Variants in NAALADL2 observed in about 807,000 individuals in gnomAD.
The protein encoded by NAALADL2 is N-acetylated alpha-linked acidic dipeptidase like 2.
Under a neutral mutation model 87.2 loss-of-function variants are expected in NAALADL2, and 76 were observed. That is an observed-to-expected ratio of 0.87 (90% CI 0.72 to 1.05). The LOEUF (loss-of-function observed/expected upper bound fraction) is 1.05. Among genes scored for constraint, NAALADL2 ranks in the 50% least tolerant of loss-of-function variants. The pLI, the probability that NAALADL2 is intolerant of heterozygous loss-of-function variation, is 0.00. For missense variants in NAALADL2, 1,089 were observed against 945.8 expected (o/e 1.15, Z -1.99); for synonymous variants, 354 against 331.0 (o/e 1.07, Z -0.75).
At chr3:174,651,176 C>T (rs1348302601) in intron 2 of NAALADL2, among the ~76,000 whole-genome samples, 1 of 152,134 alleles carries the variant, frequency 6.6e-6, no homozygotes, top group Admixed American at 6.5e-5. Flanking sequence ...GATATGTTCA[C>T]ATGTAATCAT....
intron 9 of NAALADL2, among the ~76,000 whole-genome samples, chr3:175,499,482 A>C (rs928139172): frequency 2.0e-5 from 3 of 149,036 alleles, no homozygotes; most frequent in African/African-American, 7.8e-5. Context: ...GTTAAACCTA[A>C]GGAATTTTTT....
intron 2 of NAALADL2, among the ~76,000 whole-genome samples, chr3:174,704,937 A>C (rs977224864): frequency 6.6e-6 from 1 of 152,224 alleles, no homozygotes; most frequent in South Asian, 2.1e-4. Context: ...AACATCACCA[A>C]ACTTCTAAAT....
chr3:175,250,349 C>T (rs1748837265), intron 3 of NAALADL2, among the ~76,000 whole-genome samples: 1 of 151,200 alleles, frequency 6.6e-6, no homozygotes, highest in Non-Finnish European at 1.5e-5. Flanking sequence ...AGTAGGAGAG[C>T]CATTGCCAGA....
At chr3:174,720,541 C>T (rs989707128) in intron 2 of NAALADL2, among the ~76,000 whole-genome samples, 1 of 151,878 alleles carries the variant, frequency 6.6e-6, no homozygotes, top group African/African-American at 2.4e-5. Flanking sequence ...TTATATAATG[C>T]TGTGTATTGT....
intron 10 of NAALADL2, among the ~76,000 whole-genome samples, chr3:175,582,874 C>G (rs1719980370): frequency 6.6e-6 from 1 of 152,166 alleles, no homozygotes. Context: ...GGCCAATGAT[C>G]AAAGATTTCT....
At chr3:175,534,526 T>C (rs1473317933) in intron 9 of NAALADL2, among the ~76,000 whole-genome samples, 1 of 152,138 alleles carries the variant, frequency 6.6e-6, no homozygotes, top group African/African-American at 2.4e-5. Context: ...GCTGGTGACG[T>C]AAAATAAAAA....
intron 1 of NAALADL2, among the ~76,000 whole-genome samples, chr3:174,921,810 A>G (rs186003707): frequency 0.011 from 1,409 of 124,326 alleles, 8 homozygotes; most frequent in Non-Finnish European, 0.016. Context: ...GTCTCAAAAA[A>G]AAAAAAAAAA....
intron 5 of NAALADL2, among the ~76,000 whole-genome samples, chr3:175,383,048 A>G (rs1224013132): frequency 2.0e-5 from 3 of 152,014 alleles, no homozygotes; most frequent in Non-Finnish European, 4.4e-5. Flanking sequence ...TTAAGTTTTT[A>G]ATTATGGATA....
At chr3:175,005,844 C>A (rs992643919) in intron 1 of NAALADL2, among the ~76,000 whole-genome samples, 2 of 152,082 alleles carry the variant, frequency 1.3e-5, no homozygotes, top group African/African-American at 2.4e-5. Flanking sequence ...TTAAAGCAGA[C>A]TTTGGGCTTA....
intron 9 of NAALADL2, among the ~76,000 whole-genome samples, chr3:175,505,799 G>C (rs79135436): frequency 8.5e-5 from 13 of 152,232 alleles, no homozygotes; most frequent in Non-Finnish European, 1.8e-4. Context: ...TTGAGGTATA[G>C]AGTAAGAACT....
intron 11 of NAALADL2, among the ~76,000 whole-genome samples, chr3:175,704,258 G>A (rs1362011042): frequency 2.0e-5 from 3 of 152,066 alleles, no homozygotes; most frequent in South Asian, 2.1e-4. Context: ...GGGGCTGTTC[G>A]CTGTGGAAAA....
intron 9 of NAALADL2, among the ~76,000 whole-genome samples, chr3:175,525,031 A>T (rs1348878223): frequency 6.6e-6 from 1 of 152,148 alleles, no homozygotes; most frequent in African/African-American, 2.4e-5. Context: ...GGGTGCATGT[A>T]ACTGAACAAT....
chr3:175,655,565 CAA>C, intron 11 of NAALADL2: 2 of 247,422 alleles, frequency 8.1e-6, no homozygotes, highest in Non-Finnish European at 1.7e-5. Flanking sequence ...GAAAATCCTA[CAA>C]AGTCACTGTT....
chr3:175,131,223 G>C (rs2108629923), intron 2 of NAALADL2, among the ~76,000 whole-genome samples: 1 of 150,792 alleles, frequency 6.6e-6, no homozygotes, highest in South Asian at 2.1e-4. Flanking sequence ...AGGGTCATAG[G>C]ACAATAGTGG....
At chr3:175,276,413 C>T (rs1753604288) in intron 4 of NAALADL2, among the ~76,000 whole-genome samples, 1 of 151,304 alleles carries the variant, frequency 6.6e-6, no homozygotes, top group African/African-American at 2.4e-5. Flanking sequence ...GATTCTCTTG[C>T]CTGCCTCAGC....
intron 1 of NAALADL2, among the ~76,000 whole-genome samples, chr3:175,095,164 G>C (rs750490538): frequency 8.5e-4 from 129 of 151,912 alleles, no homozygotes; most frequent in Non-Finnish European, 1.7e-3. Flanking sequence ...TTCTCTCTTT[G>C]TGTTTGTAAA....
intron 5 of NAALADL2, among the ~76,000 whole-genome samples, chr3:175,407,581 T>G (rs1016278026): frequency 2.6e-5 from 4 of 152,282 alleles, no homozygotes; most frequent in Non-Finnish European, 4.4e-5. Flanking sequence ...CATTCACTCA[T>G]TTTCTAGGAA....
At chr3:175,220,550 C>T (rs928491439) in intron 2 of NAALADL2, among the ~76,000 whole-genome samples, 1 of 151,810 alleles carries the variant, frequency 6.6e-6, no homozygotes, top group East Asian at 1.9e-4. Flanking sequence ...TGATGCCTTG[C>T]TTTTTCTTCT....
Position 175,601,943 on chromosome 3 carries a change from G to T in NAALADL2, c.1801-25348G>T, listed in dbSNP as rs544650553. 2.7e-4 allele frequency among the ~76,000 whole-genome samples: 41 copies of T among 152,092 alleles called. 1 individual carries two copies. Among genetic ancestry groups the T allele is most frequent in the African/African-American group, 9.9e-4 (41 of 41,414 alleles). On this transcript the variant is annotated intron_variant, in intron 10 of 13. Transcript: ENST00000454872. The stretch of plus-strand genomic sequence containing the variant: ...GCTGCGTGCTTCTTAGAATTTGTCA[G>T]CATTTATTTACATTTTTACCAATTG...
Sources: gnomAD v4.1 joint callset for allele counts (sites outside exome capture counted in the v4.1 genomes callset) on GRCh38, gnomAD v4.1.1 for gene constraint, MANE v1.5 for transcripts, NCBI Gene and HGNC (gene_info 2026-07-23, HGNC 2026-07-21) for gene names.